The following LTBP1 variants were observed in gnomAD, a reference collection of about 807,000 sequenced individuals.
LTBP1 encodes latent-transforming growth factor beta-binding protein 1.
In LTBP1, 129 loss-of-function variants were observed where a neutral mutation model predicts 207.6. The observed-to-expected ratio is 0.62, with a 90% confidence interval of 0.54 to 0.72. LTBP1 has a LOEUF of 0.72. Ranked by LOEUF, LTBP1 falls within the 30% of genes least tolerant of loss-of-function variation. The pLI is 0.00. For synonymous variants in LTBP1, 963 were observed against 833.7 expected (o/e 1.16, Z -2.67); for missense variants, 2,281 against 2,217.2 (o/e 1.03, Z -0.58).
At chr2:33,049,999 G>A (rs113629842) in intron 3 of LTBP1, among the ~76,000 whole-genome samples, 11 of 151,978 alleles carry the variant, frequency 7.2e-5, no homozygotes, top group African/African-American at 2.4e-4. Flanking sequence ...GGGCCACTGC[G>A]CCCAGCCAAT....
At chr2:33,093,782 TAG>T (rs1012177297) in intron 3 of LTBP1, among the ~76,000 whole-genome samples, 3 of 152,076 alleles carry the variant, frequency 2.0e-5, no homozygotes, top group Non-Finnish European at 4.4e-5. Flanking sequence ...TGAGAACTAT[TAG>T]AGTCATATAC....
At chr2:33,328,242 T>C (rs2094453509) in intron 24 of LTBP1, among the ~76,000 whole-genome samples, 1 of 152,022 alleles carries the variant, frequency 6.6e-6, no homozygotes, top group Admixed American at 6.5e-5. Flanking sequence ...ATAGTGAGCA[T>C]ACCTGGTAAC....
At chr2:33,396,442 G>A (rs1336746868) in intron 32 of LTBP1, among the ~76,000 whole-genome samples, 2 of 152,124 alleles carry the variant, frequency 1.3e-5, no homozygotes, top group Non-Finnish European at 2.9e-5. Flanking sequence ...CGCTGGTCTT[G>A]AACTCCTGGC....
At chr2:33,393,376 C>G (rs551979410) in intron 32 of LTBP1, among the ~76,000 whole-genome samples, 1 of 150,528 alleles carries the variant, frequency 6.6e-6, no homozygotes, top group African/African-American at 2.5e-5. Context: ...TGTGTCATGT[C>G]GGTGTGCTGC....
chr2:33,387,454 G>A (rs2095276126), intron 31 of LTBP1, among the ~76,000 whole-genome samples: 2 of 152,218 alleles, frequency 1.3e-5, no homozygotes, highest in African/African-American at 4.8e-5. Context: ...ACACAGAATG[G>A]TTTCATGCAA....
intron 5 of LTBP1, among the ~76,000 whole-genome samples, chr2:33,141,315 TAG>T: frequency 2.0e-5 from 3 of 152,312 alleles, no homozygotes; most frequent in Middle Eastern, 3.4e-3. Flanking sequence ...TTAATGGGTA[TAG>T]AGTTTCAATT....
intron 2 of LTBP1, among the ~76,000 whole-genome samples, chr2:33,013,472 T>A (rs1322493309): frequency 2.6e-5 from 4 of 151,856 alleles, no homozygotes; most frequent in Admixed American, 6.6e-5. Context: ...TTCAGAAAAA[T>A]TTTTTTTCTG....
intron 5 of LTBP1, among the ~76,000 whole-genome samples, chr2:33,137,766 A>G (rs1475245401): frequency 1.3e-5 from 2 of 152,144 alleles, no homozygotes; most frequent in Admixed American, 6.5e-5. Context: ...TTTTTTCAAT[A>G]CGGAAACTTA....
At chr2:33,022,621 C>T (rs2075231139) in intron 3 of LTBP1, among the ~76,000 whole-genome samples, 1 of 152,146 alleles carries the variant, frequency 6.6e-6, no homozygotes, top group Non-Finnish European at 1.5e-5. Context: ...TACTAAGTGA[C>T]AGTATTACAA....
At position 33,315,213 on chromosome 2, in the gene LTBP1, T is replaced by C. The variant is rs1349065112; in HGVS notation, c.3674T>C (p.Phe1225Ser). 6.2e-7 allele frequency: 1 copy of C among 1,613,790 alleles called. No homozygotes were observed. Among genetic ancestry groups the C allele is most frequent in the Admixed American group, 1.7e-5 (1 of 59,926 alleles). Residue 1225 changes from phenylalanine (F) to serine (S), a missense_variant, in exon 24 of 34, where the codon TTC (phenylalanine) becomes TCC (serine). This residue lies in a region of LTBP1 where 1,671 missense variants were observed against 1,634.8 expected (regional missense o/e 1.02). Transcript: ENST00000404816. The stretch of plus-strand genomic sequence containing the variant: ...GAGTGCCTAAACACAGAGGGTTCTT[T>C]CCATTGTGTCTGCCAGCAGGGTTTC... Reference protein sequence around the residue: ...QGECLNTEGSFHCVCQQGFSI... With the variant: ...QGECLNTEGSSHCVCQQGFSI...
intron 26 of LTBP1, among the ~76,000 whole-genome samples, chr2:33,354,495 G>C (rs2094828001): frequency 6.6e-6 from 1 of 151,996 alleles, no homozygotes; most frequent in East Asian, 1.9e-4. Flanking sequence ...AAAATATCTA[G>C]TCAAGTTTCT....
intron 2 of LTBP1, among the ~76,000 whole-genome samples, chr2:33,019,328 CTTTTTTTTTTTTTTT>C (rs58570641): frequency 8.3e-4 from 73 of 87,716 alleles, no homozygotes; most frequent in African/African-American, 2.9e-3. Flanking sequence ...ATGTACACTT[CTTTTTTTTTTTTTTT>C]TTTTTTTTTT....
chr2:33,170,879 C>A (rs1042282829), intron 5 of LTBP1, among the ~76,000 whole-genome samples: 1 of 152,168 alleles, frequency 6.6e-6, no homozygotes, highest in Non-Finnish European at 1.5e-5. Flanking sequence ...ACAGCCACCG[C>A]TGCTGGTACC....
intron 8 of LTBP1, among the ~76,000 whole-genome samples, chr2:33,220,231 A>G (rs574466783): frequency 6.6e-6 from 1 of 152,316 alleles, no homozygotes; most frequent in African/African-American, 2.4e-5. Flanking sequence ...TGTCATTTAA[A>G]AAGTTTTCCT....
intron 15 of LTBP1, among the ~76,000 whole-genome samples, chr2:33,272,321 C>T (rs573697989): frequency 6.6e-6 from 1 of 152,316 alleles, no homozygotes; most frequent in East Asian, 1.9e-4. Flanking sequence ...ATTCAAACCA[C>T]AGACCTCTCT....
intron 3 of LTBP1, among the ~76,000 whole-genome samples, chr2:33,067,964 G>C (rs887771945): frequency 1.9e-4 from 29 of 152,222 alleles, no homozygotes; most frequent in African/African-American, 6.5e-4. Context: ...CCAAAAGGAG[G>C]ATATCAACAG....
chr2:33,302,153 G>T (rs1480665461), intron 22 of LTBP1, among the ~76,000 whole-genome samples: 1 of 152,178 alleles, frequency 6.6e-6, no homozygotes, highest in Non-Finnish European at 1.5e-5. Flanking sequence ...TCTCTGCAGT[G>T]GTTGGGTGAC....
At chr2:33,358,093 C>T (rs112037098) in intron 26 of LTBP1, among the ~76,000 whole-genome samples, 1 of 152,098 alleles carries the variant, frequency 6.6e-6, no homozygotes, top group African/African-American at 2.4e-5. Context: ...CCTTTGTGGA[C>T]TAGTTTTTAG....
At chr2:32,955,233 TCAAG>T (rs900558707) in intron 2 of LTBP1, among the ~76,000 whole-genome samples, 1 of 152,234 alleles carries the variant, frequency 6.6e-6, no homozygotes, top group Non-Finnish European at 1.5e-5. Flanking sequence ...GAGAAACCTC[TCAAG>T]CAAGGCAGGA....
Sources: gnomAD v4.1 joint callset for allele counts (sites outside exome capture counted in the v4.1 genomes callset) on GRCh38, gnomAD v4.1.1 for gene constraint, gnomAD v4.1.1 regional missense constraint, MANE v1.5 for transcripts, NCBI Gene and HGNC (gene_info 2026-07-23, HGNC 2026-07-21) for gene names.